The following SFMBT1 variants were observed in gnomAD, a reference collection of about 807,000 sequenced individuals.
The protein encoded by SFMBT1 is scm-like with four MBT domains protein 1.
A neutral mutation model predicts 108.7 loss-of-function variants in SFMBT1; 32 were observed. That is an observed-to-expected ratio of 0.29 (90% CI 0.22 to 0.40). SFMBT1 has a LOEUF of 0.40. Ranked by LOEUF, SFMBT1 falls within the 10% of genes least tolerant of loss-of-function variation. The pLI is 1.00. For missense variants in SFMBT1, 816 were observed against 1,059.6 expected (o/e 0.77, Z 3.19); for synonymous variants, 348 against 369.5 (o/e 0.94, Z 0.67).
intron 8 of SFMBT1, 106 bp from the exon 9 acceptor site, chr3:52,928,447 T>C: frequency 8.9e-7 from 1 of 1,128,654 alleles, no homozygotes; most frequent in South Asian, 1.5e-5. Flanking sequence ...ATGTGGGTAT[T>C]AATAATACTA....
At chr3:52,928,167 A>G (rs1423330854) in intron 9 of SFMBT1, 24 bp downstream of exon 9, 1 of 1,603,726 alleles carries the variant, frequency 6.2e-7, no homozygotes, top group East Asian at 2.2e-5. Context: ...TCAAGTGACA[A>G]TTCAGAAGAC....
Position 52,906,157 on chromosome 3 carries a change from T to C in SFMBT1, c.2416A>G (p.Arg806Gly), listed in dbSNP as rs1702059597. 11 of 1,614,180 alleles carry C rather than the reference T, an allele frequency of 6.8e-6. No individual in the cohort carries two copies. Among genetic ancestry groups the C allele is most frequent in the Non-Finnish European group, 9.3e-6 (11 of 1,179,982 alleles). ...GCTAATGGAGCACAGTCAGTGGATC[T>C]GATGAACCGCACAACGTCTGCCACA... ...WSVADVVRFI[R>G]STDCAPLARI... The change falls in exon 20 of 21, where the codon AGA (arginine) becomes GGA (glycine). Residue 806 changes from arginine to glycine, a missense_variant. Arg to Gly is a moderately radical substitution (Grantham distance 125). Coordinates refer to ENST00000394752, the MANE Select transcript of SFMBT1 (RefSeq NM_016329.4).
At position 52,999,866 on chromosome 3, in the gene SFMBT1, C is replaced by CT. The variant is rs899850780; in HGVS notation, c.-130-30609dup. Among the ~76,000 whole-genome samples, 72 of 148,644 alleles carry CT rather than the reference C, an allele frequency of 4.8e-4. 6 individuals carry two copies. The highest frequency in any genetic ancestry group is 1.4e-3 in the African/African-American group (58 of 41,060). On this transcript the variant is annotated intron_variant, in intron 1 of 20. Coordinates refer to ENST00000394752, the MANE Select transcript of SFMBT1 (RefSeq NM_016329.4). ...GCATGAAATCATCTTGAAGTTTTTG[C>CT]TTTTTTTTTGGAGACAGAGTATCGC...
chr3:53,030,834 A>G (rs1283183808), intron 1 of SFMBT1, among the ~76,000 whole-genome samples: 1 of 152,136 alleles, frequency 6.6e-6, no homozygotes, highest in Non-Finnish European at 1.5e-5. Context: ...TGCTAATCAT[A>G]TTTTTTATGA....
intron 14 of SFMBT1, among the ~76,000 whole-genome samples, chr3:52,914,744 A>T (rs1351027646): frequency 2.0e-5 from 3 of 152,172 alleles, no homozygotes; most frequent in Non-Finnish European, 2.9e-5. Context: ...ACCCTGTCTC[A>T]AAACAAAACA....
chr3:52,994,387 T>A (rs561598230), intron 1 of SFMBT1, among the ~76,000 whole-genome samples: 1 of 150,302 alleles, frequency 6.7e-6, no homozygotes, highest in Non-Finnish European at 1.5e-5. Flanking sequence ...ACCTGAAACA[T>A]CATGTGCCTC....
At chr3:52,960,117 C>T (rs923472040) in intron 2 of SFMBT1, among the ~76,000 whole-genome samples, 2 of 151,646 alleles carry the variant, frequency 1.3e-5, no homozygotes, top group Admixed American at 1.3e-4. Context: ...CTAGCGTTGA[C>T]ACAGATAAGT....
chr3:53,044,237 CTG>C (rs1489105618), intron 1 of SFMBT1, among the ~76,000 whole-genome samples: 6 of 152,204 alleles, frequency 3.9e-5, no homozygotes. Flanking sequence ...AAAATATACA[CTG>C]TGATTTCTAA....
intron 1 of SFMBT1, among the ~76,000 whole-genome samples, chr3:53,007,117 C>G (rs1297381452): frequency 6.6e-6 from 1 of 152,186 alleles, no homozygotes; most frequent in Non-Finnish European, 1.5e-5. Flanking sequence ...CTCTCCCACT[C>G]TTGTTTCAAT....
Position 52,934,817 on chromosome 3 carries a change from T to G in SFMBT1, c.449A>C (p.Glu150Ala). ...GTGGCATGTAGTAATACTCACGCCC[T>G]CTAGCAGCGGAACAGGAGGACTACA... ...GACSPPVPLLEGLRNGRNPLD... is the reference protein window; with the variant it reads ...GACSPPVPLLAGLRNGRNPLD... Residue 150 changes from glutamate (E) to alanine (A), a missense_variant, in exon 5 of 21, where the codon GAG (glutamate) becomes GCG (alanine). Glu to Ala is a moderately radical substitution (Grantham distance 107). This residue lies in a region of SFMBT1 where 495 missense variants were observed against 607.4 expected (regional missense o/e 0.81). Transcript: ENST00000394752. 6.2e-7 allele frequency: 1 copy of G among 1,612,938 alleles called. No homozygotes were observed. The highest frequency in any genetic ancestry group is 8.5e-7 in the Non-Finnish European group (1 of 1,179,392).
intron 2 of SFMBT1, among the ~76,000 whole-genome samples, chr3:52,967,922 T>TTTA (rs1704201504): frequency 2.0e-5 from 3 of 152,348 alleles, no homozygotes; most frequent in East Asian, 3.9e-4. Flanking sequence ...TGCAGTTTTC[T>TTTA]TTACTAAATA....
At chr3:52,928,144 C>T (rs752030248) in intron 9 of SFMBT1, 47 bp downstream of exon 9, 2 of 1,584,728 alleles carry the variant, frequency 1.3e-6, no homozygotes, top group Non-Finnish European at 8.6e-7. Flanking sequence ...TGTCTCATTT[C>T]AAGGAGAAGC....
At chr3:52,928,170 C>A in intron 9 of SFMBT1, 21 bp downstream of exon 9, 1 of 1,603,472 alleles carries the variant, frequency 6.2e-7, no homozygotes, top group South Asian at 1.1e-5. Context: ...AGTGACAATT[C>A]AGAAGACAGC....
intron 1 of SFMBT1, among the ~76,000 whole-genome samples, chr3:52,998,382 A>G (rs1326364145): frequency 6.7e-6 from 1 of 149,602 alleles, no homozygotes; most frequent in African/African-American, 2.4e-5. Context: ...ACAGAGAGAG[A>G]CTCCGTCTCA....
At chr3:53,023,484 G>A (rs1329006903) in intron 1 of SFMBT1, among the ~76,000 whole-genome samples, 2 of 152,152 alleles carry the variant, frequency 1.3e-5, no homozygotes, top group Non-Finnish European at 1.5e-5. Context: ...AGTTTAATTT[G>A]TTCTACATCT....
At chr3:52,930,704 T>C (rs530606989) in intron 7 of SFMBT1, among the ~76,000 whole-genome samples, 2 of 152,234 alleles carry the variant, frequency 1.3e-5, no homozygotes, top group Non-Finnish European at 2.9e-5. Flanking sequence ...TAAGACTATG[T>C]AGTTAAGGGT....
chr3:53,028,395 T>C (rs1258321962), intron 1 of SFMBT1, among the ~76,000 whole-genome samples: 2 of 152,232 alleles, frequency 1.3e-5, no homozygotes, highest in Non-Finnish European at 1.5e-5. Context: ...AGACCACTTC[T>C]TGAAGTCACC....
intron 9 of SFMBT1, 53 bp from the exon 10 acceptor site, chr3:52,926,166 C>A (rs1702651829): frequency 2.7e-6 from 4 of 1,509,100 alleles, no homozygotes; most frequent in Admixed American, 1.9e-5. Flanking sequence ...CATACGCCTG[C>A]CTGGCTTCAC....
At chr3:52,916,973 TA>T (rs1019853162) in intron 13 of SFMBT1, among the ~76,000 whole-genome samples, 6 of 151,192 alleles carry the variant, frequency 4.0e-5, no homozygotes, top group South Asian at 2.1e-4. Flanking sequence ...TTATGTTATT[TA>T]AAAAAAAACA....
Sources: allele counts gnomAD v4.1 joint callset (sites outside exome capture counted in the v4.1 genomes callset), GRCh38; gene constraint gnomAD v4.1.1; regional missense constraint gnomAD v4.1.1; transcripts MANE v1.5; gene names NCBI Gene and HGNC (gene_info 2026-07-23, HGNC 2026-07-21).